Variants in RSPH14 observed in about 807,000 individuals in gnomAD.
RSPH14 encodes the protein rhabdoid tumor deletion region gene 1.
A neutral mutation model predicts 26.7 loss-of-function variants in RSPH14; 20 were observed. The ratio of observed to expected loss-of-function variants is 0.75; its 90% confidence interval spans 0.53 to 1.09. RSPH14 has a LOEUF of 1.09. Among genes scored for constraint, RSPH14 ranks in the 50% least tolerant of loss-of-function variants. RSPH14 has a pLI of 0.00. For synonymous variants in RSPH14, 177 were observed against 189.3 expected, an observed-to-expected ratio of 0.93 and a Z score of 0.53; for missense variants, 449 against 457.2, an observed-to-expected ratio of 0.98 and a Z score of 0.16.
At position 23,138,912 on chromosome 22, in the gene RSPH14, T is replaced by A; in HGVS notation, c.230A>T (p.Lys77Met). 6.5e-7 allele frequency: 1 copy of A among 1,549,444 alleles called. No homozygotes were observed. The highest frequency in any genetic ancestry group is 8.7e-7 in the Non-Finnish European group (1 of 1,146,862). ...TATGCGCACCATACTGTTGCTATCC[T>A]TCAGCAAAGCTTTCAGGTTCTCCAT... ...GCMENLKALL[K>M]DSNSMVRIKT... The change falls in exon 3 of 7, where the codon AAG becomes ATG. Residue 77 changes from lysine (K) to methionine (M), a missense_variant. By Grantham distance (95) the Lys-to-Met change is moderately conservative (BLOSUM62 -1). Transcript: ENST00000216036.
At chr22:23,080,257 TTGTC>T (rs2068638399) in intron 4 of RSPH14, among the ~76,000 whole-genome samples, 3 of 152,316 alleles carry the variant, frequency 2.0e-5, no homozygotes, top group African/African-American at 2.4e-5. Context: ...CTATCACCCT[TTGTC>T]TGGTCAGCCG....
At chr22:23,177,437 T>G in the RSPH14 span, among the ~76,000 whole-genome samples, 10 of 152,168 alleles carry the variant, frequency 6.6e-5, no homozygotes, top group Non-Finnish European at 1.2e-4. Context: ...CTGAGCTCAC[T>G]ATATGAGAGA....
chr22:23,142,154 C>A (rs1236603193), upstream of RSPH14: 1 of 395,248 alleles, frequency 2.5e-6, no homozygotes, highest in Non-Finnish European at 3.4e-6. Context: ...GCTGTGGAGA[C>A]CAAAGGCAGC....
At chr22:23,127,305 C>T (rs1046901921) in intron 4 of RSPH14, among the ~76,000 whole-genome samples, 67 of 152,180 alleles carry the variant, frequency 4.4e-4, no homozygotes, top group Admixed American at 4.2e-3. Context: ...CCTGACAGGC[C>T]GGGAACCAAG....
chr22:23,061,958 G>A lies in RSPH14; in HGVS notation c.654-13C>T, dbSNP rs1335257024. The A allele has an allele frequency of 1.9e-6, 3 of 1,613,706 alleles. No individual in the cohort carries two copies. Among genetic ancestry groups the A allele is most frequent in the African/African-American group, 1.3e-5 (1 of 74,948 alleles). Reference sequence around the variant, plus strand: ...CTCTCGAGATATGCTGGGGCAGAGAGGGAACAGAGAGGGGCTCTGCTTGGA... The same window carrying A: ...CTCTCGAGATATGCTGGGGCAGAGAAGGAACAGAGAGGGGCTCTGCTTGGA... On this transcript the variant is annotated splice_polypyrimidine_tract_variant and intron_variant, in intron 5 of 6. Transcript: ENST00000216036.
chr22:23,059,884 G>A (rs1041102769), intron 6 of RSPH14, among the ~76,000 whole-genome samples, 166 bp from the exon 7 acceptor site: 13 of 152,194 alleles, frequency 8.5e-5, no homozygotes, highest in Admixed American at 3.3e-4. Context: ...TTGCACCTTC[G>A]CTGAGTCCGG....
chr22:23,102,275 G>A (rs923189909), intron 4 of RSPH14, among the ~76,000 whole-genome samples: 2 of 152,250 alleles, frequency 1.3e-5, no homozygotes, highest in African/African-American at 4.8e-5. Flanking sequence ...GTGACCCCAT[G>A]GGATGCTGGC....
chr22:23,126,800 C>T (rs1027283955), intron 4 of RSPH14, among the ~76,000 whole-genome samples: 5 of 152,210 alleles, frequency 3.3e-5, no homozygotes, highest in Admixed American at 6.5e-5. Context: ...TCCTACTTCA[C>T]GCAGCCCCAG....
chr22:23,129,193 G>C (rs2146421495), intron 4 of RSPH14, among the ~76,000 whole-genome samples: 1 of 152,248 alleles, frequency 6.6e-6, no homozygotes, highest in African/African-American at 2.4e-5. Context: ...ACGACACTCA[G>C]TGTACCCCCA....
chr22:23,095,996 G>A (rs1346089765), intron 4 of RSPH14: 4 of 1,609,096 alleles, frequency 2.5e-6, no homozygotes, highest in African/African-American at 1.3e-5. Flanking sequence ...CCCCGACCGC[G>A]CCTACGACGC....
Position 23,097,071 on chromosome 22 carries a change from C to T in RSPH14, c.422-32938G>A, listed in dbSNP as rs539633719. 5.9e-5 allele frequency among the ~76,000 whole-genome samples: 9 copies of T among 152,184 alleles called. No individual in the cohort carries two copies. In the South Asian group the frequency reaches 1.0e-3, roughly 18 times the overall value. ...AGGGGGCCACAGCCAGGAGTGGCAG[C>T]GGTGGAGGCCGTGGCAGGCAAGGGA... On this transcript the variant is annotated intron_variant, in intron 4 of 6. Transcript: ENST00000216036.
At chr22:23,173,143 TTTTTTC>T in the RSPH14 span, among the ~76,000 whole-genome samples, 4 of 152,066 alleles carry the variant, frequency 2.6e-5, no homozygotes, top group Non-Finnish European at 5.9e-5. Context: ...TTTTTTTCTT[TTTTTTC>T]TTTGAGACGG....
chr22:23,170,893 C>T, the RSPH14 span, among the ~76,000 whole-genome samples: 1 of 152,066 alleles, frequency 6.6e-6, no homozygotes, highest in African/African-American at 2.4e-5. Flanking sequence ...GTTCCCCAGG[C>T]TGGCGTGCTG....
At chr22:23,159,068 G>GAGGCAGCACAGTGGGAAGC in the RSPH14 span, 1 of 1,586,716 alleles carries the variant, frequency 6.3e-7, no homozygotes, top group Non-Finnish European at 8.6e-7. Flanking sequence ...GGGAGGGAGG[G>GAGGCAGCACAGTGGGAAGC]AGGCAGCACA....
At chr22:23,075,166 G>C (rs952353969) in intron 4 of RSPH14, among the ~76,000 whole-genome samples, 5 of 152,112 alleles carry the variant, frequency 3.3e-5, no homozygotes, top group Admixed American at 6.5e-5. Context: ...TGGAGGGTGG[G>C]CCCGCAACCT....
At chr22:23,085,677 T>TGCCTCCGCCCTGGTTGTCCCAGC (rs1380838189) in intron 4 of RSPH14, among the ~76,000 whole-genome samples, 4 of 152,312 alleles carry the variant, frequency 2.6e-5, no homozygotes, top group South Asian at 2.1e-4. Context: ...CCAGTACCAG[T>TGCCTCCGCCCTGGTTGTCCCAGC]GCCTCCGCCC....
chr22:23,141,895 TG>T, intron 1 of RSPH14, 53 bp downstream of exon 1: 1 of 771,782 alleles, frequency 1.3e-6, no homozygotes, highest in Non-Finnish European at 1.6e-6. Flanking sequence ...TGGGACTGGG[TG>T]GGTCACTGGG....
chr22:23,165,161 G>C, the RSPH14 span, among the ~76,000 whole-genome samples: 2 of 152,182 alleles, frequency 1.3e-5, no homozygotes, highest in Admixed American at 1.3e-4. Flanking sequence ...TAGCACCTCT[G>C]GGAGGAAGGG....
At chr22:23,154,940 A>C in the RSPH14 span, among the ~76,000 whole-genome samples, 4 of 152,188 alleles carry the variant, frequency 2.6e-5, no homozygotes, top group Non-Finnish European at 5.9e-5. Flanking sequence ...AGCCTGACCA[A>C]CATGGAGAAA....
Sources: allele counts gnomAD v4.1 joint callset (sites outside exome capture counted in the v4.1 genomes callset), GRCh38; gene constraint gnomAD v4.1.1; transcripts MANE v1.5; gene names NCBI Gene and HGNC (gene_info 2026-07-23, HGNC 2026-07-21).